SMARCA4: variants seen among roughly 807,000 people sequenced by gnomAD.
SMARCA4 encodes SWI/SNF-related matrix-associated actin-dependent regulator of chromatin subfamily A member 4.
A neutral mutation model predicts 193.9 loss-of-function variants in SMARCA4; 31 were observed. The observed-to-expected ratio is 0.16, with a 90% CI of 0.12 to 0.22. The LOEUF (loss-of-function observed/expected upper bound fraction) is 0.22, where lower values mean the gene tolerates loss of function less well. Ranked by LOEUF, SMARCA4 falls within the 10% of genes least tolerant of loss-of-function variation. The pLI, the probability that SMARCA4 is intolerant of heterozygous loss-of-function variation, is 1.00. For synonymous variants in SMARCA4, 942 were observed against 933.1 expected (o/e 1.01, Z -0.17); for missense variants, 1,148 against 2,296.0 (o/e 0.50, Z 10.22).
rs576339926 is a variant in SMARCA4, at chr19:11,058,989, G to A, written c.4635+100G>A. On this transcript the variant is annotated intron_variant, in intron 32 of 34. Transcript: ENST00000344626. The surrounding 1 kb of genome is among the most constrained non-coding windows in gnomAD (Gnocchi z 5.8). The stretch of plus-strand genomic sequence containing the variant: ...TTCTGAATTGATGGGTTAAAAACAA[G>A]TCCCGCTAGCTGTGGTGGTTCGTGC... The A allele has an allele frequency of 3.4e-5, 32 of 941,432 alleles. No individual in the cohort carries two copies. The highest frequency in any genetic ancestry group is 3.3e-4 in the South Asian group (24 of 73,326). 58.3% of individuals were successfully genotyped at this position (941,432 alleles called of 1,614,324 possible).
chr19:11,013,198 A>C, intron 16 of SMARCA4, 86 bp downstream of exon 16: 1 of 1,448,128 alleles, frequency 6.9e-7, no homozygotes, highest in Non-Finnish European at 9.6e-7. Context: ...AGAATACCAC[A>C]AACGAGGTGG....
chr19:10,971,414 T>C (rs995013920), intron 1 of SMARCA4, among the ~76,000 whole-genome samples: 20 of 151,994 alleles, frequency 1.3e-4, no homozygotes, highest in African/African-American at 4.1e-4. Flanking sequence ...ATAGAAGGAG[T>C]GCTTCTCATC....
chr19:11,054,548 CT>C (rs1234707400), intron 30 of SMARCA4, among the ~76,000 whole-genome samples: 4 of 152,156 alleles, frequency 2.6e-5, no homozygotes, highest in East Asian at 1.9e-4. Context: ...GATCCCAGCA[CT>C]TTTGGGAGGC....
intron 24 of SMARCA4, 141 bp downstream of exon 24, chr19:11,028,091 A>G: frequency 1.1e-6 from 1 of 902,326 alleles, no homozygotes; most frequent in Non-Finnish European, 1.8e-6. Flanking sequence ...GCCTAGCCAC[A>G]GGCTGAGCAT....
intron 13 of SMARCA4, 27 bp from the exon 14 acceptor site, chr19:11,007,875 A>G (rs2146188532): frequency 1.9e-6 from 3 of 1,612,606 alleles, no homozygotes; most frequent in Non-Finnish European, 2.5e-6. Flanking sequence ...GGATGAACTG[A>G]GGTGACATGG....
At chr19:10,972,334 G>A (rs2084739505) in intron 1 of SMARCA4, among the ~76,000 whole-genome samples, 1 of 151,020 alleles carries the variant, frequency 6.6e-6, no homozygotes, top group South Asian at 2.1e-4. Flanking sequence ...GACCTCAGGT[G>A]ATCCACCTGC....
At chr19:11,049,674 C>A (rs945006402) in intron 30 of SMARCA4, among the ~76,000 whole-genome samples, 1 of 152,200 alleles carries the variant, frequency 6.6e-6, no homozygotes, top group Non-Finnish European at 1.5e-5. Flanking sequence ...GGGGCACACC[C>A]TTGGTGTGCT....
At chr19:11,043,305 A>C (rs2075725795) in intron 30 of SMARCA4, among the ~76,000 whole-genome samples, 1 of 152,160 alleles carries the variant, frequency 6.6e-6, no homozygotes, top group Admixed American at 6.5e-5. Flanking sequence ...AGAAAAAAAG[A>C]AAGGTTCTTT....
chr19:11,008,403 C>T, intron 14 of SMARCA4: 1 of 351,372 alleles, frequency 2.8e-6, no homozygotes, highest in Non-Finnish European at 5.6e-6. Context: ...TTTTTGTCTT[C>T]ATTTGCATAC....
At chr19:10,962,939 C>T (rs762313063) in intron 1 of SMARCA4, among the ~76,000 whole-genome samples, 2 of 152,146 alleles carry the variant, frequency 1.3e-5, no homozygotes, top group Non-Finnish European at 2.9e-5. Flanking sequence ...GCTGTCACCC[C>T]CAGCACCGTG....
chr19:11,025,656 C>T (rs1190958612), intron 22 of SMARCA4, 148 bp downstream of exon 22: 9 of 682,052 alleles, frequency 1.3e-5, no homozygotes, highest in Non-Finnish European at 2.1e-5. Flanking sequence ...TTGGTCTTCG[C>T]TTCACCAGTG....
chr19:10,991,455 A>G, intron 8 of SMARCA4, 132 bp downstream of exon 8: 1 of 1,418,732 alleles, frequency 7.0e-7, no homozygotes, highest in East Asian at 2.5e-5. Context: ...TCATTGTAAC[A>G]GTATTCTAGG....
At chr19:11,024,993 G>A (rs1291226355) in intron 21 of SMARCA4, among the ~76,000 whole-genome samples, 4 of 48,446 alleles carry the variant, frequency 8.3e-5, no homozygotes, top group Non-Finnish European at 1.7e-4. Flanking sequence ...CCCCCGCCCC[G>A]CCCCCACCTC....
chr19:11,028,461 C>A (rs1026922423), intron 24 of SMARCA4, among the ~76,000 whole-genome samples: 3 of 152,238 alleles, frequency 2.0e-5, no homozygotes, highest in African/African-American at 7.2e-5. Flanking sequence ...CATTTAGCTG[C>A]TGTGAGCCGC....
rs772765050 is a variant in SMARCA4 at position 11,023,595 on chromosome 19, A to C, written c.2937A>C (p.Arg979=). Residue 979 remains arginine, a synonymous_variant, in exon 20 of 35, where the codon CGA becomes CGC. Coordinates refer to ENST00000344626, the MANE Select transcript of SMARCA4 (RefSeq NM_003072.5). ...TGCTGCGGCCCTTCTTGCTCCGACG[A>C]CTCAAGAAGGAAGTCGAGGCCCAGT... ...HKVLRPFLLR[R]LKKEVEAQLP... is the part of the protein sequence containing the mutation. 2.5e-6 allele frequency: 4 copies of C among 1,612,354 alleles called. No individual in the cohort carries two copies. Among genetic ancestry groups the C allele is most frequent in the Middle Eastern group, 3.3e-4 (2 of 6,060 alleles).
At position 11,031,243 on chromosome 19, in the gene SMARCA4, GCA is replaced by G. The variant is rs1323575148; in HGVS notation, c.3546+358_3546+359del. 4.4e-5 allele frequency: 16 copies of G among 367,092 alleles called. No homozygotes were observed. The highest frequency in any genetic ancestry group is 3.8e-4 in the South Asian group (16 of 41,610). 22.7% of individuals were successfully genotyped at this position (367,092 alleles called of 1,614,324 possible). On this transcript the variant is annotated intron_variant, in intron 25 of 34. Transcript: ENST00000344626. This position sits in a 1 kb window ranked among gnomAD's most constrained non-coding sequence, Gnocchi z 4.3. ...GCGGCCCCTGCAGTGTGCCCTGTGA[GCA>G]CACACACTGGCGCTTGTTCAGACAC...
chr19:11,050,223 C>T (rs1047143341), intron 30 of SMARCA4, among the ~76,000 whole-genome samples: 2 of 152,248 alleles, frequency 1.3e-5, no homozygotes, highest in African/African-American at 2.4e-5. Context: ...TCGGGCAGCT[C>T]GGAAAGACGG....
chr19:11,034,257 A>C lies in SMARCA4; in HGVS notation c.3951+57A>C. 7.3e-7 allele frequency: 1 copy of C among 1,370,408 alleles called. No homozygotes were observed. The highest frequency in any genetic ancestry group is 1.0e-6 in the Non-Finnish European group (1 of 958,604). The allele number at this position is 1,370,408 out of a possible 1,614,324, so 84.9% of individuals were successfully genotyped here. On this transcript the variant is annotated intron_variant, in intron 28 of 34. Transcript: ENST00000344626. The surrounding 1 kb of genome is among the most constrained non-coding windows in gnomAD (Gnocchi z 7.0). ...GGCATCCCACTCTGCTGCCACCAGG[A>C]GCAAAGCAGACGTCCTAGTGCCCAT... is the stretch of plus-strand genomic sequence containing the variant.
intron 1 of SMARCA4, among the ~76,000 whole-genome samples, chr19:10,973,465 A>G (rs950074242): frequency 2.0e-5 from 3 of 151,642 alleles, no homozygotes; most frequent in African/African-American, 7.3e-5. Flanking sequence ...CAGTGATGCA[A>G]TCTTGGCTCA....
Sources: gnomAD v4.1 joint callset for allele counts (sites outside exome capture counted in the v4.1 genomes callset) on GRCh38, gnomAD v4.1.1 for gene constraint, Gnocchi (gnomAD v3.1) non-coding constraint, MANE v1.5 for transcripts, NCBI Gene and HGNC (gene_info 2026-07-23, HGNC 2026-07-21) for gene names.